Variants in CCT6B observed in about 807,000 individuals in gnomAD.
CCT6B encodes chaperonin containing TCP1 subunit 6B, also known as probable T-complex protein 1 subunit zeta-2.
In CCT6B, 49 loss-of-function variants were observed where a neutral mutation model predicts 61.5. The observed-to-expected ratio is 0.80, with a 90% CI of 0.63 to 1.01. The LOEUF (loss-of-function observed/expected upper bound fraction) is 1.01. CCT6B is among the 50% of genes least tolerant of loss of function. The pLI, the probability that CCT6B is intolerant of heterozygous loss-of-function variation, is 0.00. For synonymous variants in CCT6B, 228 were observed against 214.5 expected (o/e 1.06, Z -0.55); for missense variants, 666 against 634.7 (o/e 1.05, Z -0.53).
chr17:34,931,718 T>A (rs1403467161), intron 11 of CCT6B, among the ~76,000 whole-genome samples: 2 of 152,166 alleles, frequency 1.3e-5, no homozygotes. Flanking sequence ...TTATGAAAAA[T>A]TTTAATAAAA....
At position 34,955,222 on chromosome 17, in the gene CCT6B, C is replaced by T. The variant is rs948921817; in HGVS notation, c.337-623G>A. On this transcript the variant is annotated intron_variant, in intron 3 of 13. Transcript: ENST00000314144. ...TAGCTTAAAGGATACTAAAGGAACA[C>T]GACAACTGAGTGCAATGCATGAACT... Among the ~76,000 whole-genome samples, 5 of 152,238 alleles carry T rather than the reference C, an allele frequency of 3.3e-5. No individual in the cohort carries two copies. The South Asian group carries it at 6.2e-4, about 19-fold the overall frequency.
chr17:34,953,041 T>C (rs1597758424), intron 4 of CCT6B, among the ~76,000 whole-genome samples: 1 of 152,194 alleles, frequency 6.6e-6, no homozygotes, highest in East Asian at 1.9e-4. Flanking sequence ...ATTTCCCAAG[T>C]TGTTTTTTTT....
intron 10 of CCT6B, among the ~76,000 whole-genome samples, chr17:34,938,291 T>A (rs1361872797): frequency 6.6e-6 from 1 of 152,116 alleles, no homozygotes; most frequent in Non-Finnish European, 1.5e-5. Flanking sequence ...ATGGGCTGAA[T>A]GTGGTGGCTC....
intron 10 of CCT6B, among the ~76,000 whole-genome samples, chr17:34,938,912 A>G (rs2090126481): frequency 6.6e-6 from 1 of 151,944 alleles, no homozygotes; most frequent in Non-Finnish European, 1.5e-5. Context: ...GCGAAACCCC[A>G]TCTCTACTAA....
chr17:34,948,947 A>C (rs981503146), intron 5 of CCT6B, among the ~76,000 whole-genome samples: 1 of 151,526 alleles, frequency 6.6e-6, no homozygotes, highest in African/African-American at 2.4e-5. Flanking sequence ...AGGTGGGAGG[A>C]TCACTTGAGC....
At chr17:34,931,610 A>G (rs745433767) in intron 11 of CCT6B, among the ~76,000 whole-genome samples, 1 of 152,164 alleles carries the variant, frequency 6.6e-6, no homozygotes, top group Non-Finnish European at 1.5e-5. Context: ...TGTAATGTGT[A>G]CTGGGGTTAC....
intron 12 of CCT6B, among the ~76,000 whole-genome samples, chr17:34,929,557 A>G (rs2142130733): frequency 7.0e-6 from 1 of 143,850 alleles, no homozygotes; most frequent in South Asian, 2.2e-4. Context: ...TCTGTCACTC[A>G]GGCTGGAGTG....
chr17:34,957,180 T>G (rs1242778535), intron 3 of CCT6B, among the ~76,000 whole-genome samples: 1 of 148,754 alleles, frequency 6.7e-6, no homozygotes, highest in Non-Finnish European at 1.5e-5. Context: ...GTTTCACTCT[T>G]GTTGCCCAGG....
intron 10 of CCT6B, 37 bp downstream of exon 10, chr17:34,939,146 T>C (rs766642254): frequency 6.4e-7 from 1 of 1,553,564 alleles, no homozygotes; most frequent in Non-Finnish European, 8.9e-7. Context: ...TACACACATA[T>C]ACATGAGGTT....
chr17:34,939,756 A>G (rs1269139305), intron 8 of CCT6B, 43 bp from the exon 9 acceptor site: 1 of 1,121,810 alleles, frequency 8.9e-7, no homozygotes, highest in Non-Finnish European at 1.4e-6. Flanking sequence ...TATGGAGAAC[A>G]TTAATACTAA....
At chr17:34,940,750 T>C in intron 7 of CCT6B, 129 bp from the exon 8 acceptor site, 1 of 417,382 alleles carries the variant, frequency 2.4e-6, no homozygotes, top group Non-Finnish European at 4.3e-6. Flanking sequence ...TTATGTAAGC[T>C]CTATCTATAA....
chr17:34,956,198 T>C (rs1442116801), intron 3 of CCT6B, among the ~76,000 whole-genome samples: 1 of 152,212 alleles, frequency 6.6e-6, no homozygotes, highest in Non-Finnish European at 1.5e-5. Flanking sequence ...TCTCCACTAC[T>C]GTTCACATCA....
At chr17:34,943,698 G>A (rs1454551145) in intron 5 of CCT6B, 4 of 151,592 alleles carry the variant, frequency 2.6e-5, no homozygotes, top group Non-Finnish European at 5.9e-5. Context: ...ACACCAACAT[G>A]GCACAAGTAT....
intron 4 of CCT6B, among the ~76,000 whole-genome samples, chr17:34,953,913 C>G (rs894444269): frequency 6.6e-6 from 1 of 152,086 alleles, no homozygotes; most frequent in East Asian, 1.9e-4. Flanking sequence ...GAGATCATGA[C>G]ACTGCACTCC....
intron 5 of CCT6B, among the ~76,000 whole-genome samples, chr17:34,950,078 T>G (rs2090273868): frequency 6.6e-6 from 1 of 152,182 alleles, no homozygotes; most frequent in Non-Finnish European, 1.5e-5. Flanking sequence ...ACAATGTAAT[T>G]AAGCTAGGTA....
chr17:34,951,745 T>A (rs1251697611), intron 5 of CCT6B, among the ~76,000 whole-genome samples: 1 of 152,178 alleles, frequency 6.6e-6, no homozygotes, highest in Admixed American at 6.5e-5. Context: ...CACACATGAT[T>A]TTTTTTCTAT....
intron 3 of CCT6B, among the ~76,000 whole-genome samples, chr17:34,958,044 AT>A: frequency 6.6e-6 from 1 of 152,252 alleles, no homozygotes; most frequent in African/African-American, 2.4e-5. Context: ...TCCGTTAAAT[AT>A]TTCATTTTTA....
At chr17:34,946,462 T>C (rs1001010185) in intron 5 of CCT6B, among the ~76,000 whole-genome samples, 2 of 152,036 alleles carry the variant, frequency 1.3e-5, no homozygotes, top group African/African-American at 4.8e-5. Flanking sequence ...TAGAACACCA[T>C]AAAAGGTAAC....
At chr17:34,936,876 G>A (rs2090100279) in intron 10 of CCT6B, among the ~76,000 whole-genome samples, 1 of 152,058 alleles carries the variant, frequency 6.6e-6, no homozygotes, top group Non-Finnish European at 1.5e-5. Context: ...AATCAAGCAG[G>A]GTGTAATGGC....
Sources: allele counts gnomAD v4.1 joint callset (sites outside exome capture counted in the v4.1 genomes callset), GRCh38; gene constraint gnomAD v4.1.1; transcripts MANE v1.5; gene names NCBI Gene and HGNC (gene_info 2026-07-23, HGNC 2026-07-21).